MAP3K4: variants seen among roughly 807,000 people sequenced by gnomAD.
MAP3K4 encodes the protein mitogen-activated protein kinase kinase kinase 4.
Under a neutral mutation model 185.6 loss-of-function variants are expected in MAP3K4, and 67 were observed. The observed-to-expected ratio is 0.36, with a 90% CI of 0.30 to 0.44. The LOEUF is 0.44. MAP3K4 is among the 20% of genes least tolerant of loss of function. The probability of loss-of-function intolerance (pLI) is 1.00; values close to 1 mark genes in which losing one functional copy is unlikely to be tolerated. For synonymous variants in MAP3K4, 702 were observed against 710.4 expected (o/e 0.99, Z 0.19); for missense variants, 1,551 against 1,995.1 (o/e 0.78, Z 4.24).
In MAP3K4 at chr6:161,080,788, C is replaced by G. The variant is rs1159103429; in HGVS notation, c.2098-93C>G. On this transcript the variant is annotated intron_variant, in intron 5 of 26. Transcript: ENST00000392142. This position sits in a 1 kb window ranked among gnomAD's most constrained non-coding sequence, Gnocchi z 4.8. ...CCTGTGACAGCCCCCGGCCCGCCCC[C>G]ACTTTACCCTGCTGATGTGTAGCTT... is the stretch of plus-strand genomic sequence containing the variant. The G allele has an allele frequency of 1.7e-6, 2 of 1,165,826 alleles. No homozygotes were observed. The highest frequency in any genetic ancestry group is 3.1e-5 in the African/African-American group (2 of 64,908). The allele number at this position is 1,165,826 out of a possible 1,614,324, so 72.2% of individuals were successfully genotyped here. A position where few individuals can be genotyped will look rare whatever the true frequency, so the allele number is the denominator to read the frequency against.
intron 1 of MAP3K4, among the ~76,000 whole-genome samples, chr6:161,019,775 G>A (rs898355441): frequency 6.6e-6 from 1 of 152,016 alleles, no homozygotes; most frequent in African/African-American, 2.4e-5. Context: ...CATTTAAGGA[G>A]TTTTCTAATT....
At chr6:161,025,018 C>CCCAGCCAT (rs1782577453) in intron 1 of MAP3K4, among the ~76,000 whole-genome samples, 1 of 151,394 alleles carries the variant, frequency 6.6e-6, no homozygotes, top group Non-Finnish European at 1.5e-5. Flanking sequence ...CATCCATCCA[C>CCCAGCCAT]CCATCCATCC....
chr6:161,107,987 G>A lies in MAP3K4; in HGVS notation c.4119+18G>A, dbSNP rs751450227. On this transcript the variant is annotated intron_variant, in intron 21 of 26. Coordinates refer to ENST00000392142, the MANE Select transcript of MAP3K4 (RefSeq NM_005922.4). The surrounding 1 kb of genome is among the most constrained non-coding windows in gnomAD (Gnocchi z 6.2). ...TGAAAGAGGTGAGTCACCTGGCTCC[G>A]TGGGGCCTTTGGGCCTGGCGGCTCT... The A allele has an allele frequency of 3.8e-5, 62 of 1,612,098 alleles. 2 individuals carry two copies. The South Asian group carries it at 4.3e-4, about 11-fold the overall frequency.
intron 3 of MAP3K4, among the ~76,000 whole-genome samples, chr6:161,057,762 C>G (rs1562511321): frequency 6.6e-6 from 1 of 152,216 alleles, no homozygotes; most frequent in Non-Finnish European, 1.5e-5. Context: ...CAATCATTCC[C>G]TGTCTGATTT....
In MAP3K4 at chr6:161,092,048, T is replaced by G; in HGVS notation, c.3174T>G (p.Phe1058Leu). The G allele has an allele frequency of 6.2e-7, 1 of 1,613,596 alleles. No individual in the cohort carries two copies. ...TTGTTCGTTTGATGTCTGGGGAGTT[T>G]AGACAGAAGATAGGAGACAAATATA... ...KEVVRLMSGE[F>L]RQKIGDKYIS... Residue 1058 changes from phenylalanine (F) to leucine (L), a missense_variant, in exon 13 of 27, where the codon TTT becomes TTG. This residue lies in a region of MAP3K4 where 261 missense variants were observed against 306.5 expected (regional missense o/e 0.85). Transcript: ENST00000392142.
intron 2 of MAP3K4, among the ~76,000 whole-genome samples, chr6:161,046,710 C>T (rs1402646926): frequency 6.6e-6 from 1 of 150,984 alleles, no homozygotes; most frequent in Admixed American, 6.6e-5. Flanking sequence ...TAATTTGAAT[C>T]GGTTAGGAAG....
chr6:161,098,075 C>T lies in MAP3K4; in HGVS notation c.3525-203C>T, dbSNP rs748126148. ...GCACTCCAGCCTGGACAACAGGGTGCGATGCTGTCTCAAAAAAAAGAAAAG... is the reference window on the plus strand; with the variant it reads ...GCACTCCAGCCTGGACAACAGGGTGTGATGCTGTCTCAAAAAAAAGAAAAG... On this transcript the variant is annotated intron_variant, in intron 16 of 26. Coordinates refer to ENST00000392142, the MANE Select transcript of MAP3K4 (RefSeq NM_005922.4). This position sits in a 1 kb window ranked among gnomAD's most constrained non-coding sequence, Gnocchi z 4.4. 6.3e-4 allele frequency among the ~76,000 whole-genome samples: 95 copies of T among 151,832 alleles called. No individual in the cohort carries two copies. Among genetic ancestry groups the T allele is most frequent in the Admixed American group, 3.1e-3 (47 of 15,256 alleles).
chr6:161,106,813 A>G lies in MAP3K4; in HGVS notation c.4048+108A>G, dbSNP rs1254319298. 18 of 830,406 alleles carry G rather than the reference A, an allele frequency of 2.2e-5. No individual in the cohort carries two copies. Among genetic ancestry groups the G allele is most frequent in the Non-Finnish European group, 3.0e-5 (17 of 569,698 alleles). 51.4% of individuals were successfully genotyped at this position (830,406 alleles called of 1,614,324 possible). A position where few individuals can be genotyped will look rare whatever the true frequency, so the allele number is the denominator to read the frequency against. On this transcript the variant is annotated intron_variant, in intron 20 of 26. Transcript: ENST00000392142. This position sits in a 1 kb window ranked among gnomAD's most constrained non-coding sequence, Gnocchi z 4.9. Reference sequence around the variant, plus strand: ...GAGTTGGCCCTTTTTTCTTGTAGACATAGCAAGTATGCATTGTTATCTTTT... The same window carrying G: ...GAGTTGGCCCTTTTTTCTTGTAGACGTAGCAAGTATGCATTGTTATCTTTT...
chr6:161,061,746 A>G lies in MAP3K4; in HGVS notation c.1708-8862A>G, dbSNP rs537591272. On this transcript the variant is annotated intron_variant, in intron 3 of 26. Transcript: ENST00000392142. The surrounding 1 kb of genome is among the most constrained non-coding windows in gnomAD (Gnocchi z 4.2). Reference sequence around the variant, plus strand: ...TTTGAGACTGGCTTCTTTCATTTGCATAATGTTTTCAAGGTTCATCCTTGC... The same window carrying G: ...TTTGAGACTGGCTTCTTTCATTTGCGTAATGTTTTCAAGGTTCATCCTTGC... 3.7e-4 allele frequency among the ~76,000 whole-genome samples: 56 copies of G among 152,352 alleles called. 1 individual carries two copies. Among genetic ancestry groups the G allele is most frequent in the Middle Eastern group, 3.4e-3 (1 of 294 alleles).
rs1448602450 is a variant in MAP3K4, at chr6:161,064,203, A to G, written c.1708-6405A>G. Among the ~76,000 whole-genome samples the G allele has an allele frequency of 6.6e-6, 1 of 152,192 alleles. No individual in the cohort carries two copies. Among genetic ancestry groups the G allele is most frequent in the Non-Finnish European group, 1.5e-5 (1 of 68,030 alleles). ...ATAGTTTAACCTAATGCAGAGCTCT[A>G]TCTTTAGATTTTACTACATTGGGAA... On this transcript the variant is annotated intron_variant, in intron 3 of 26. Coordinates refer to ENST00000392142, the MANE Select transcript of MAP3K4 (RefSeq NM_005922.4). This position sits in a 1 kb window ranked among gnomAD's most constrained non-coding sequence, Gnocchi z 4.3.
chr6:161,048,641 T>G lies in MAP3K4; in HGVS notation c.369T>G (p.Pro123=), dbSNP rs770284671. ...AAAAAATGAATGCACCAAATCAGCC[T>G]CCACATAAAGACACTGGAAAAACAG... The part of the protein sequence containing the change: ...LKEKMNAPNQ[P]PHKDTGKTVE... Residue 123 remains proline (P), a synonymous_variant, in exon 3 of 27, where the codon CCT becomes CCG. Transcript: ENST00000392142. The surrounding 1 kb of genome is among the most constrained non-coding windows in gnomAD (Gnocchi z 4.7). The G allele has an allele frequency of 2.5e-6, 4 of 1,593,570 alleles. 1 individual carries two copies. In the South Asian group the frequency reaches 4.6e-5, roughly 18 times the overall value.
chr6:161,069,983 G>A (rs181616066), intron 3 of MAP3K4, among the ~76,000 whole-genome samples: 14 of 152,166 alleles, frequency 9.2e-5, no homozygotes, highest in Middle Eastern at 3.4e-3. Context: ...AAGAACGGGG[G>A]TGGGGGCGGA....
At chr6:161,018,542 A>G (rs1021024588) in intron 1 of MAP3K4, among the ~76,000 whole-genome samples, 6 of 152,232 alleles carry the variant, frequency 3.9e-5, no homozygotes, top group African/African-American at 1.4e-4. Context: ...CTTGAAAACA[A>G]ATCTTAAAAG....
Position 161,097,259 on chromosome 6 carries a change from G to A in MAP3K4, c.3524+83G>A. ...ATACTTTTGAAACTACTAGATGCTT[G>A]CTCTGAGAGCTAAATACCTTTTCTG... On this transcript the variant is annotated intron_variant, in intron 16 of 26. Coordinates refer to ENST00000392142, the MANE Select transcript of MAP3K4 (RefSeq NM_005922.4). The surrounding 1 kb of genome is among the most constrained non-coding windows in gnomAD (Gnocchi z 4.9). 1 of 1,112,192 alleles carries A rather than the reference G, an allele frequency of 9.0e-7. No homozygotes were observed. The highest frequency in any genetic ancestry group is 2.4e-5 in the East Asian group (1 of 41,978). The allele number at this position is 1,112,192 out of a possible 1,614,324, so 68.9% of individuals were successfully genotyped here.
chr6:161,037,033 C>T lies in MAP3K4; in HGVS notation c.343+2584C>T, dbSNP rs1783200032. 6.6e-6 allele frequency among the ~76,000 whole-genome samples: 1 copy of T among 152,196 alleles called. No homozygotes were observed. Among genetic ancestry groups the T allele is most frequent in the Non-Finnish European group, 1.5e-5 (1 of 68,040 alleles). The stretch of plus-strand genomic sequence containing the variant: ...TTACGGCTTTCAATTTTAAATGTCT[C>T]AGTCACATGTATATTAGAAAGTGGC... On this transcript the variant is annotated intron_variant, in intron 2 of 26. Coordinates refer to ENST00000392142, the MANE Select transcript of MAP3K4 (RefSeq NM_005922.4). The surrounding 1 kb of genome is among the most constrained non-coding windows in gnomAD (Gnocchi z 4.2).
At chr6:161,035,118 C>T (rs972169617) in intron 2 of MAP3K4, among the ~76,000 whole-genome samples, 8 of 152,108 alleles carry the variant, frequency 5.3e-5, no homozygotes, top group Non-Finnish European at 1.2e-4. Context: ...AACGATACTG[C>T]GCTGCAGCCT....
In MAP3K4 at chr6:161,018,426, G is replaced by A. The variant is rs181571660; in HGVS notation, c.153-15833G>A. On this transcript the variant is annotated intron_variant, in intron 1 of 26. Coordinates refer to ENST00000392142, the MANE Select transcript of MAP3K4 (RefSeq NM_005922.4). ...GGTTGAAGTGGAAAGTCTTTGTTGC[G>A]TTGGACATTTGGGACATTCAGTAAA... Among the ~76,000 whole-genome samples the A allele has an allele frequency of 6.3e-4, 96 of 152,318 alleles. 1 individual carries two copies. The highest frequency in any genetic ancestry group is 2.0e-3 in the African/African-American group (84 of 41,580).
At chr6:161,094,816 T>C (rs565791853) in intron 15 of MAP3K4, among the ~76,000 whole-genome samples, 101 of 152,360 alleles carry the variant, frequency 6.6e-4, no homozygotes, top group African/African-American at 2.3e-3. Flanking sequence ...TATTGTCTTA[T>C]CAGGTTATTG....
At position 161,097,783 on chromosome 6, in the gene MAP3K4, T is replaced by TG. The variant is rs940262494; in HGVS notation, c.3525-495_3525-494insG. 3.3e-5 allele frequency among the ~76,000 whole-genome samples: 5 copies of TG among 151,330 alleles called. No individual in the cohort carries two copies. The highest frequency in any genetic ancestry group is 2.0e-4 in the Admixed American group (3 of 15,186). ...CTAGATAAGGACCACAGTTTTTTGT[T>TG]TTTTTTTTAAAGCTTTGAGGGGACC... On this transcript the variant is annotated intron_variant, in intron 16 of 26. Coordinates refer to ENST00000392142, the MANE Select transcript of MAP3K4 (RefSeq NM_005922.4). This position sits in a 1 kb window ranked among gnomAD's most constrained non-coding sequence, Gnocchi z 4.9.
Sources: allele counts gnomAD v4.1 joint callset (sites outside exome capture counted in the v4.1 genomes callset), GRCh38; gene constraint gnomAD v4.1.1; regional missense constraint gnomAD v4.1.1; non-coding constraint Gnocchi (gnomAD v3.1); transcripts MANE v1.5; gene names NCBI Gene and HGNC (gene_info 2026-07-23, HGNC 2026-07-21).